CFAP107: variants seen among roughly 807,000 people sequenced by gnomAD.
CFAP107 encodes cilia- and flagella-associated protein 107.
chr1:12,759,714 C>A, the CFAP107 span: 1 of 607,218 alleles, frequency 1.6e-6, no homozygotes, highest in Non-Finnish European at 3.0e-6. Context: ...ATCACCTGTG[C>A]CCCATGGTGG....
chr1:12,749,335 A>T, the CFAP107 span, among the ~76,000 whole-genome samples: 1 of 152,214 alleles, frequency 6.6e-6, no homozygotes, highest in East Asian at 1.9e-4. Context: ...TGGGATTGAC[A>T]GATGTGGTGG....
the CFAP107 span, among the ~76,000 whole-genome samples, chr1:12,759,069 T>G: frequency 3.9e-5 from 6 of 152,178 alleles, no homozygotes; most frequent in Non-Finnish European, 8.8e-5. Context: ...AGGAATGAAT[T>G]GACTTGGCAT....
the CFAP107 span, among the ~76,000 whole-genome samples, chr1:12,752,515 C>G: frequency 4.4e-4 from 52 of 119,328 alleles, no homozygotes; most frequent in African/African-American, 1.7e-3. Context: ...TGCAGTGAGC[C>G]AAGATCTCAC....
chr1:12,750,026 A>G, the CFAP107 span, among the ~76,000 whole-genome samples: 1 of 152,260 alleles, frequency 6.6e-6, no homozygotes, highest in African/African-American at 2.4e-5. Flanking sequence ...AGACAAATGC[A>G]TAAAATTATA....
the CFAP107 span, among the ~76,000 whole-genome samples, chr1:12,755,404 C>CAAAA: frequency 4.9e-5 from 7 of 143,084 alleles, no homozygotes; most frequent in African/African-American, 1.5e-4. Context: ...ACTCCATGTC[C>CAAAA]AAAAAAAAAA....
chr1:12,760,533 G>T, the CFAP107 span, among the ~76,000 whole-genome samples: 3 of 152,318 alleles, frequency 2.0e-5, no homozygotes, highest in African/African-American at 7.2e-5. Context: ...CCCCGTGGCA[G>T]AGCCTGATCT....
chr1:12,746,719 C>T, the CFAP107 span, among the ~76,000 whole-genome samples: 41 of 152,152 alleles, frequency 2.7e-4, no homozygotes, highest in Admixed American at 9.8e-4. Context: ...TCAATATTCA[C>T]GCATTTTGCA....
chr1:12,758,207 T>C, the CFAP107 span, among the ~76,000 whole-genome samples: 6 of 122,520 alleles, frequency 4.9e-5, no homozygotes, highest in African/African-American at 2.5e-4. Flanking sequence ...GAACTGTAAG[T>C]AACAAGCTCT....
the CFAP107 span, among the ~76,000 whole-genome samples, chr1:12,755,222 T>A: frequency 6.6e-6 from 1 of 152,028 alleles, no homozygotes; most frequent in Non-Finnish European, 1.5e-5. Flanking sequence ...CTAGCCAACA[T>A]GGCAAAACGC....
chr1:12,749,747 T>C, the CFAP107 span, among the ~76,000 whole-genome samples: 15 of 152,334 alleles, frequency 9.8e-5, no homozygotes, highest in Non-Finnish European at 1.9e-4. Flanking sequence ...AATTCTGTAT[T>C]CCACAAAATT....
At chr1:12,748,216 C>T in the CFAP107 span, among the ~76,000 whole-genome samples, 12 of 152,094 alleles carry the variant, frequency 7.9e-5, no homozygotes, top group South Asian at 4.2e-4. Flanking sequence ...CTCTCTATTT[C>T]GTCTAACTTG....
the CFAP107 span, among the ~76,000 whole-genome samples, chr1:12,747,955 C>A: frequency 6.6e-6 from 1 of 152,096 alleles, no homozygotes; most frequent in Non-Finnish European, 1.5e-5. Context: ...AGCACAAAAA[C>A]GTTATAGGAG....
chr1:12,750,550 C>T, the CFAP107 span, among the ~76,000 whole-genome samples: 1 of 152,054 alleles, frequency 6.6e-6, no homozygotes, highest in Non-Finnish European at 1.5e-5. Context: ...ATATTTTGTG[C>T]AAATAGTGCC....
chr1:12,746,307 T>A, the CFAP107 span: 3 of 614,630 alleles, frequency 4.9e-6, no homozygotes, highest in Non-Finnish European at 5.8e-6. Flanking sequence ...CTACTAGCCA[T>A]TCAGGAGGCC....
the CFAP107 span, among the ~76,000 whole-genome samples, chr1:12,749,962 G>T: frequency 6.6e-6 from 1 of 152,150 alleles, no homozygotes; most frequent in Admixed American, 6.5e-5. Context: ...TAAAAGCCAG[G>T]ATTATTATAA....
At chr1:12,749,410 G>T in the CFAP107 span, among the ~76,000 whole-genome samples, 24 of 152,262 alleles carry the variant, frequency 1.6e-4, 1 homozygote, top group South Asian at 4.8e-3. Flanking sequence ...CCAGGAGTTC[G>T]AGACCAGCTG....
chr1:12,761,208 G>A, the CFAP107 span: 1 of 382,950 alleles, frequency 2.6e-6, no homozygotes, highest in Admixed American at 4.4e-5. Flanking sequence ...GATTCAGACT[G>A]TCAGAGAAAA....
the CFAP107 span, chr1:12,746,562 G>A: frequency 2.6e-6 from 4 of 1,563,066 alleles, no homozygotes; most frequent in Non-Finnish European, 2.6e-6. Context: ...GAGAGAGGTT[G>A]GAGAGAGGGC....
the CFAP107 span, chr1:12,753,374 A>G: frequency 6.6e-6 from 1 of 151,854 alleles, no homozygotes; most frequent in Admixed American, 6.6e-5. Flanking sequence ...AATCCATCCT[A>G]AAATTCATAT....
Sources: gnomAD v4.1 joint callset for allele counts (sites outside exome capture counted in the v4.1 genomes callset) on GRCh38, gnomAD v4.1.1 for gene constraint, MANE v1.5 for transcripts, NCBI Gene and HGNC (gene_info 2026-07-23, HGNC 2026-07-21) for gene names.